CASQ1: variants seen among roughly 807,000 people sequenced by gnomAD.
CASQ1 encodes the protein calsequestrin 1.
CASQ1 carries 40 observed loss-of-function variants against 49.5 expected under a neutral mutation model. That is an observed-to-expected ratio of 0.81 (90% confidence interval 0.63 to 1.05). The LOEUF (loss-of-function observed/expected upper bound fraction) is 1.05. CASQ1 is among the 50% of genes least tolerant of loss of function. The pLI, the probability that CASQ1 is intolerant of heterozygous loss-of-function variation, is 0.00. For missense variants in CASQ1, 469 were observed against 486.9 expected, an observed-to-expected ratio of 0.96 and a Z score of 0.35; for synonymous variants, 174 against 187.2, an observed-to-expected ratio of 0.93 and a Z score of 0.58.
In CASQ1 at chr1:160,190,596, A is replaced by G. The variant is rs74123280; in HGVS notation, c.-156A>G. The G allele has an allele frequency of 0.014, 9,403 of 669,196 alleles. 671 individuals are homozygous for G. The African/African-American group carries it at 0.15, about 11-fold the overall frequency. 41.5% of individuals were successfully genotyped at this position (669,196 alleles called of 1,614,324 possible). ...CCTTGGCTCTGTCGGCAGTTTCTCC[A>G]GGACCCAGCAGTGCCCTCTGTCCAC... On this transcript the variant is annotated 5_prime_UTR_variant, in exon 1 of 11. Coordinates refer to ENST00000368078, the MANE Select transcript of CASQ1 (RefSeq NM_001231.5).
intron 9 of CASQ1, among the ~76,000 whole-genome samples, chr1:160,199,388 C>G (rs543302201): frequency 6.6e-6 from 1 of 152,354 alleles, no homozygotes; most frequent in East Asian, 1.9e-4. Context: ...CAGAGATTCC[C>G]TGTTTCAGGA....
At position 160,193,826 on chromosome 1, in the gene CASQ1, C is replaced by T. The variant is rs567865054; in HGVS notation, c.444C>T (p.Thr148=). The change falls in exon 3 of 11, where the codon ACC becomes ACT. Residue 148 remains threonine, a synonymous_variant. Coordinates refer to ENST00000368078, the MANE Select transcript of CASQ1 (RefSeq NM_001231.5). ...IEYDGEFSAD[T]IVEFLLDVLE... ...ACGATGGCGAGTTTTCTGCTGACAC[C>T]ATCGTGGAGTTTCTGCTTGATGTAA... 44 of 1,612,346 alleles carry T rather than the reference C, an allele frequency of 2.7e-5. No homozygotes were observed. The East Asian group carries it at 8.7e-4, about 32-fold the overall frequency.
rs565958799 is a variant in CASQ1 at position 160,197,365 on chromosome 1, C to T, written c.783-204C>T. ...CCCAGTCTCTCTTCCAGTCCCTTTGCCCACCCTCCCCTCTCCCACCGCTTT... is the reference window on the plus strand; with the variant it reads ...CCCAGTCTCTCTTCCAGTCCCTTTGTCCACCCTCCCCTCTCCCACCGCTTT... On this transcript the variant is annotated intron_variant, in intron 6 of 10. Transcript: ENST00000368078. Among the ~76,000 whole-genome samples, 4 of 152,256 alleles carry T rather than the reference C, an allele frequency of 2.6e-5. No homozygotes were observed. In the South Asian group the frequency reaches 8.3e-4, roughly 32 times the overall value.
At chr1:160,195,692 T>G (rs1302190839) in intron 5 of CASQ1, among the ~76,000 whole-genome samples, 158 bp downstream of exon 5, 8 of 139,784 alleles carry the variant, frequency 5.7e-5, no homozygotes, top group Non-Finnish European at 9.1e-5. Context: ...GATTTAGAGC[T>G]GAAGAGGGGC....
rs1654274524 is a variant in CASQ1, at chr1:160,197,699, TCCTCAGGCCCA to T, written c.828+86_828+96del. 54 of 913,366 alleles carry T rather than the reference TCCTCAGGCCCA, an allele frequency of 5.9e-5. 2 individuals carry two copies. In the Middle Eastern group the frequency reaches 1.6e-3, roughly 28 times the overall value. 56.6% of individuals were successfully genotyped at this position (913,366 alleles called of 1,614,324 possible). Reference sequence around the variant, plus strand: ...TCCTAGAAAAACCCCACCCTACTGCTCCTCAGGCCCATTTTTAGAAAAAACAGTGCACTGAC... The same window carrying T: ...TCCTAGAAAAACCCCACCCTACTGCTTTTTTAGAAAAAACAGTGCACTGAC... On this transcript the variant is annotated intron_variant, in intron 7 of 10. Coordinates refer to ENST00000368078, the MANE Select transcript of CASQ1 (RefSeq NM_001231.5).
chr1:160,196,200 T>G (rs1654223132), intron 6 of CASQ1, among the ~76,000 whole-genome samples, 173 bp downstream of exon 6: 1 of 152,054 alleles, frequency 6.6e-6, no homozygotes, highest in Non-Finnish European at 1.5e-5. Context: ...CACAATATTT[T>G]ATACCCCACT....
intron 1 of CASQ1, 158 bp from the exon 2 acceptor site, chr1:160,192,644 T>C (rs1375828274): frequency 3.0e-6 from 2 of 666,708 alleles, no homozygotes; most frequent in African/African-American, 3.6e-5. Flanking sequence ...ACTGTGTGGC[T>C]GTAGGGAATT....
In CASQ1 at chr1:160,190,587, A is replaced by C; in HGVS notation, c.-165A>C. The C allele has an allele frequency of 1.6e-6, 1 of 627,922 alleles. No individual in the cohort carries two copies. The highest frequency in any genetic ancestry group is 2.7e-6 in the Non-Finnish European group (1 of 369,568). 38.9% of individuals were successfully genotyped at this position (627,922 alleles called of 1,614,324 possible). ...CCCTTTTTCCCTTGGCTCTGTCGGC[A>C]GTTTCTCCAGGACCCAGCAGTGCCC... is the stretch of plus-strand genomic sequence containing the variant. On this transcript the variant is annotated 5_prime_UTR_variant, in exon 1 of 11. Transcript: ENST00000368078.
chr1:160,199,051 CT>C lies in CASQ1; in HGVS notation c.983del (p.Leu328ArgfsTer19), dbSNP rs760861416. 1 of 1,580,918 alleles carries C rather than the reference CT, an allele frequency of 6.3e-7. No individual in the cohort carries two copies. On this transcript the variant is annotated frameshift_variant and splice_region_variant, in exon 9 of 11. Coordinates refer to ENST00000368078, the MANE Select transcript of CASQ1 (RefSeq NM_001231.5). LOFTEE classifies it high-confidence loss of function. Reference protein sequence around the residue: ...IIWIDPDDFPLLVPYWEKTFD... With the variant: ...IIWIDPDDFPXLVPYWEKTFD... The stretch of plus-strand genomic sequence containing the variant: ...CTGGATTGACCCTGATGACTTCCCC[CT>C]GGTAAGAGGCACAGCTCAGGCACTG...
At chr1:160,192,752 G>A (rs1654106332) in intron 1 of CASQ1, 50 bp from the exon 2 acceptor site, 1 of 1,502,506 alleles carries the variant, frequency 6.7e-7, no homozygotes, top group South Asian at 1.1e-5. Context: ...GGAGAATAGG[G>A]GATAATAAAA....
chr1:160,197,723 A>G lies in CASQ1; in HGVS notation c.828+109A>G. The G allele has an allele frequency of 3.7e-6, 3 of 805,296 alleles. No individual in the cohort carries two copies. The South Asian group carries it at 4.1e-5, about 11-fold the overall frequency. 49.9% of individuals were successfully genotyped at this position (805,296 alleles called of 1,614,324 possible). On this transcript the variant is annotated intron_variant, in intron 7 of 10. Transcript: ENST00000368078. Reference sequence around the variant, plus strand: ...CTCCTCAGGCCCATTTTTAGAAAAAACAGTGCACTGACCAGCTGGGTGTGG... The same window carrying G: ...CTCCTCAGGCCCATTTTTAGAAAAAGCAGTGCACTGACCAGCTGGGTGTGG...
chr1:160,194,629 A>T (rs1352624408), intron 3 of CASQ1, among the ~76,000 whole-genome samples: 4 of 150,440 alleles, frequency 2.7e-5, no homozygotes, highest in Non-Finnish European at 3.0e-5. Context: ...CCACACGTAC[A>T]CACACCACAC....
rs1230816787 is a variant in CASQ1, at chr1:160,190,828, G to C, written c.77G>C (p.Gly26Ala). The C allele has an allele frequency of 4.3e-6, 7 of 1,614,150 alleles. No homozygotes were observed. Among genetic ancestry groups the C allele is most frequent in the Non-Finnish European group, 5.9e-6 (7 of 1,180,010 alleles). ...GCACTGCTGTTGCTGCTGGTGCTAGGGACACCCAAGTCAGGGGTACAGGGG... is the reference window on the plus strand; with the variant it reads ...GCACTGCTGTTGCTGCTGGTGCTAGCGACACCCAAGTCAGGGGTACAGGGG... ...RLALLLLLVL[G>A]TPKSGVQGQE... The change falls in exon 1 of 11, where the codon GGG (glycine) becomes GCG (alanine). Residue 26 changes from glycine (G) to alanine (A), a missense_variant. Coordinates refer to ENST00000368078, the MANE Select transcript of CASQ1 (RefSeq NM_001231.5).
intron 3 of CASQ1, 32 bp downstream of exon 3, chr1:160,193,879 T>C (rs369524564): frequency 6.6e-5 from 98 of 1,474,098 alleles, no homozygotes; most frequent in Admixed American, 3.4e-4. Context: ...ACGGCCTTGC[T>C]TGAAAACTCC....
Position 160,201,552 on chromosome 1 carries a change from T to C in CASQ1, c.*176T>C, listed in dbSNP as rs1400304296. ...CCCCTCATTTGATGAGCAAATGAGC[T>C]ACTTTTCCCTAGACACCAGGCCAGC... is the stretch of plus-strand genomic sequence containing the variant. On this transcript the variant is annotated 3_prime_UTR_variant, in exon 11 of 11. Coordinates refer to ENST00000368078, the MANE Select transcript of CASQ1 (RefSeq NM_001231.5). The C allele has an allele frequency of 1.6e-6, 1 of 640,784 alleles. No homozygotes were observed. The allele number at this position is 640,784 out of a possible 1,614,324, so 39.7% of individuals were successfully genotyped here. A position where few individuals can be genotyped will look rare whatever the true frequency, so the allele number is the denominator to read the frequency against.
In CASQ1 at chr1:160,201,576, GCT is replaced by G. The variant is rs553674178; in HGVS notation, c.*207_*208del. ...CTACTTTTCCCTAGACACCAGGCCAGCTCTCTCTTATCTGACTTCTGTTTCTT... is the reference window on the plus strand; with the variant it reads ...CTACTTTTCCCTAGACACCAGGCCAGCTCTCTTATCTGACTTCTGTTTCTT... On this transcript the variant is annotated 3_prime_UTR_variant, in exon 11 of 11. Transcript: ENST00000368078. The G allele has an allele frequency of 2.5e-4, 148 of 600,298 alleles. No individual in the cohort carries two copies. The highest frequency in any genetic ancestry group is 3.9e-4 in the Non-Finnish European group (131 of 336,980). The allele number at this position is 600,298 out of a possible 1,614,324, so 37.2% of individuals were successfully genotyped here.
At chr1:160,193,315 G>A (rs1298563174) in intron 2 of CASQ1, among the ~76,000 whole-genome samples, 1 of 152,104 alleles carries the variant, frequency 6.6e-6, no homozygotes. Flanking sequence ...CATGGGGGAG[G>A]GGTGGTCAGT....
chr1:160,200,638 G>T (rs1392294909), intron 10 of CASQ1, among the ~76,000 whole-genome samples: 1 of 152,168 alleles, frequency 6.6e-6, no homozygotes, highest in East Asian at 1.9e-4. Flanking sequence ...TGAATATCAG[G>T]TTCCCGGAAA....
At position 160,195,542 on chromosome 1, in the gene CASQ1, T is replaced by A; in HGVS notation, c.651+8T>A. 2 of 1,611,708 alleles carry A rather than the reference T, an allele frequency of 1.2e-6. No homozygotes were observed. The highest frequency in any genetic ancestry group is 2.2e-5 in the South Asian group (2 of 91,022). On this transcript the variant is annotated splice_region_variant and intron_variant, in intron 5 of 10. Coordinates refer to ENST00000368078, the MANE Select transcript of CASQ1 (RefSeq NM_001231.5). ...GCCACCTTCGACAGCAAGGTTCTCC[T>A]CCCCGCAGCTGTATTGGTTCTGCCT...
Sources: allele counts gnomAD v4.1 joint callset (sites outside exome capture counted in the v4.1 genomes callset), GRCh38; gene constraint gnomAD v4.1.1; transcripts MANE v1.5; gene names NCBI Gene and HGNC (gene_info 2026-07-23, HGNC 2026-07-21).